The following PLEKHA2 variants were observed in gnomAD, a reference collection of about 807,000 sequenced individuals.
PLEKHA2 encodes pleckstrin homology domain-containing family A member 2.
Under a neutral mutation model 53.2 loss-of-function variants are expected in PLEKHA2, and 28 were observed. The observed-to-expected ratio is 0.53, with a 90% confidence interval of 0.39 to 0.72. The LOEUF (loss-of-function observed/expected upper bound fraction) is 0.72, where lower values mean the gene tolerates loss of function less well. Among genes scored for constraint, PLEKHA2 ranks in the 30% least tolerant of loss-of-function variants. The pLI is 0.00. For missense variants in PLEKHA2, 426 were observed against 537.9 expected, an observed-to-expected ratio of 0.79 and a Z score of 2.06; for synonymous variants, 193 against 196.4, an observed-to-expected ratio of 0.98 and a Z score of 0.14.
chr8:38,931,263 A>G (rs890878459), intron 2 of PLEKHA2, among the ~76,000 whole-genome samples: 1 of 152,086 alleles, frequency 6.6e-6, no homozygotes, highest in East Asian at 1.9e-4. Context: ...TGGGCAACGG[A>G]GTCATCTCAA....
chr8:38,905,606 C>A (rs767710148), intron 1 of PLEKHA2, among the ~76,000 whole-genome samples: 8 of 152,024 alleles, frequency 5.3e-5, no homozygotes, highest in Non-Finnish European at 7.4e-5. Context: ...TACGCTCCCC[C>A]CTCACCACTC....
At position 38,973,587 on chromosome 8, in the gene PLEKHA2, C is replaced by G. The variant is rs1186370681; in HGVS notation, c.*3804C>G. 2.0e-5 allele frequency: 3 copies of G among 150,758 alleles called. No homozygotes were observed. The highest frequency in any genetic ancestry group is 7.3e-5 in the African/African-American group (3 of 40,866). The allele number at this position is 150,758 out of a possible 1,614,324, so 9.3% of individuals were successfully genotyped here. ...TTGTTAAATCTTGTCTGCCAGCACC[C>G]TTTTCTTCCTTTGTTCCTTTTCCTC... is the stretch of plus-strand genomic sequence containing the variant. On this transcript the variant is annotated 3_prime_UTR_variant, in exon 12 of 12. Coordinates refer to ENST00000617275, the MANE Select transcript of PLEKHA2 (RefSeq NM_021623.2).
chr8:38,935,816 A>G (rs553789451), intron 2 of PLEKHA2, among the ~76,000 whole-genome samples, 178 bp from the exon 3 acceptor site: 3 of 152,342 alleles, frequency 2.0e-5, no homozygotes, highest in African/African-American at 7.2e-5. Flanking sequence ...GGAATCCTGA[A>G]TCATTATCCA....
chr8:38,958,620 G>C (rs1457958959), intron 10 of PLEKHA2, among the ~76,000 whole-genome samples: 1 of 152,194 alleles, frequency 6.6e-6, no homozygotes, highest in Admixed American at 6.5e-5. Flanking sequence ...AAGAGACAGC[G>C]GAGTGGGGGC....
At chr8:38,930,537 T>C (rs906512259) in intron 2 of PLEKHA2, among the ~76,000 whole-genome samples, 1 of 152,220 alleles carries the variant, frequency 6.6e-6, no homozygotes, top group Admixed American at 6.5e-5. Context: ...GAACCTGCCC[T>C]GTGCCCTATG....
At chr8:38,950,761 T>C (rs1834818545) in intron 5 of PLEKHA2, 89 bp from the exon 6 acceptor site, 1 of 1,498,088 alleles carries the variant, frequency 6.7e-7, no homozygotes, top group Non-Finnish European at 9.0e-7. Flanking sequence ...GCACATGAGC[T>C]TTTCTCACGG....
intron 3 of PLEKHA2, among the ~76,000 whole-genome samples, chr8:38,939,345 C>A (rs1410959245): frequency 6.6e-6 from 1 of 152,166 alleles, no homozygotes; most frequent in African/African-American, 2.4e-5. Flanking sequence ...CATTGAGGGT[C>A]TTACCCTTGC....
At chr8:38,920,378 G>T (rs4733953) in intron 2 of PLEKHA2, among the ~76,000 whole-genome samples, 122,030 of 151,510 alleles carry the variant, frequency 0.81, 49,901 homozygotes, top group African/African-American at 0.95. Context: ...ATGGTCTCAA[G>T]CTCCTGACCT....
intron 1 of PLEKHA2, among the ~76,000 whole-genome samples, chr8:38,912,253 G>A (rs911242875): frequency 6.7e-6 from 1 of 150,114 alleles, no homozygotes; most frequent in Non-Finnish European, 1.5e-5. Context: ...GAAGTGTGCC[G>A]AGATGGCTCC....
In PLEKHA2 at chr8:38,969,871, A is replaced by G; in HGVS notation, c.*88A>G. The G allele has an allele frequency of 6.6e-7, 1 of 1,511,842 alleles. No individual in the cohort carries two copies. Among genetic ancestry groups the G allele is most frequent in the Non-Finnish European group, 8.8e-7 (1 of 1,133,042 alleles). The allele number at this position is 1,511,842 out of a possible 1,614,324, so 93.7% of individuals were successfully genotyped here. ...CAGTTTCTCTACCTTGTTGGAGGGT[A>G]GTCAGAGGCCTTTATGTCACTCATA... On this transcript the variant is annotated 3_prime_UTR_variant, in exon 12 of 12. Transcript: ENST00000617275.
At chr8:38,915,100 G>A (rs13276746) in intron 1 of PLEKHA2, among the ~76,000 whole-genome samples, 124,347 of 151,938 alleles carry the variant, frequency 0.82, 50,925 homozygotes, top group African/African-American at 0.84. Context: ...GCACGCCACC[G>A]TGCCTGGCTA....
chr8:38,909,622 C>T (rs1477949840), intron 1 of PLEKHA2, among the ~76,000 whole-genome samples: 1 of 152,152 alleles, frequency 6.6e-6, no homozygotes, highest in Non-Finnish European at 1.5e-5. Context: ...GAACCTAAGG[C>T]ATGGGAATGG....
intron 10 of PLEKHA2, among the ~76,000 whole-genome samples, chr8:38,958,091 G>A (rs748301157): frequency 6.6e-6 from 1 of 152,200 alleles, no homozygotes; most frequent in Non-Finnish European, 1.5e-5. Context: ...TTGGGAGGCC[G>A]AGGTGGGCGG....
intron 2 of PLEKHA2, among the ~76,000 whole-genome samples, chr8:38,928,272 TCTCA>T (rs1834323978): frequency 7.9e-6 from 1 of 127,030 alleles, no homozygotes; most frequent in Admixed American, 9.2e-5. Context: ...TGAGATGGAG[TCTCA>T]CTCACTCTGT....
At chr8:38,959,743 A>AT (rs1324320816) in intron 10 of PLEKHA2, among the ~76,000 whole-genome samples, 3 of 152,188 alleles carry the variant, frequency 2.0e-5, no homozygotes, top group Non-Finnish European at 4.4e-5. Flanking sequence ...AAAAAGGTAT[A>AT]TTTTCCAGGA....
intron 1 of PLEKHA2, among the ~76,000 whole-genome samples, chr8:38,910,304 T>C (rs896291168): frequency 2.6e-5 from 4 of 152,078 alleles, no homozygotes; most frequent in African/African-American, 9.7e-5. Context: ...TACGTCTTGG[T>C]TTGGTTTGGT....
chr8:38,927,356 A>C (rs1834306893), intron 2 of PLEKHA2, among the ~76,000 whole-genome samples: 1 of 152,066 alleles, frequency 6.6e-6, no homozygotes, highest in South Asian at 2.1e-4. Flanking sequence ...AAATAAAGAA[A>C]TTAGGCAATC....
chr8:38,939,619 G>C (rs1262884399), intron 3 of PLEKHA2, among the ~76,000 whole-genome samples: 2 of 152,350 alleles, frequency 1.3e-5, no homozygotes, highest in Middle Eastern at 3.4e-3. Context: ...CACAGCACAG[G>C]CTGGCTAATC....
intron 5 of PLEKHA2, among the ~76,000 whole-genome samples, chr8:38,948,757 C>T (rs1290471330): frequency 6.6e-6 from 1 of 152,184 alleles, no homozygotes; most frequent in Non-Finnish European, 1.5e-5. Flanking sequence ...CTCTCGAAGT[C>T]CCGGTGACGT....
Sources: allele counts gnomAD v4.1 joint callset (sites outside exome capture counted in the v4.1 genomes callset), GRCh38; gene constraint gnomAD v4.1.1; transcripts MANE v1.5; gene names NCBI Gene and HGNC (gene_info 2026-07-23, HGNC 2026-07-21).